Variants in TMOD2 observed in about 807,000 individuals in gnomAD.
The protein encoded by TMOD2 is tropomodulin-2.
In TMOD2, 22 loss-of-function variants were observed where a neutral mutation model predicts 39.9. The observed-to-expected ratio is 0.55, with a 90% CI of 0.39 to 0.79. TMOD2 has a LOEUF of 0.79. TMOD2 is among the 30% of genes least tolerant of loss of function. The pLI is 0.00. For synonymous variants in TMOD2, 123 were observed against 146.1 expected (o/e 0.84, Z 1.14); for missense variants, 386 against 413.3 (o/e 0.93, Z 0.57).
intron 5 of TMOD2, among the ~76,000 whole-genome samples, chr15:51,777,781 C>T (rs1459147258): frequency 6.6e-6 from 1 of 152,148 alleles, no homozygotes; most frequent in Non-Finnish European, 1.5e-5. Flanking sequence ...AGCAGCACAT[C>T]AAAAAGCTTA....
chr15:51,754,601 T>C (rs1307378106), intron 1 of TMOD2, among the ~76,000 whole-genome samples: 2 of 152,238 alleles, frequency 1.3e-5, no homozygotes, highest in African/African-American at 2.4e-5. Context: ...AGTATACATA[T>C]TTACTTGCAT....
At chr15:51,797,680 C>T (rs530639733) in intron 7 of TMOD2, among the ~76,000 whole-genome samples, 13 of 152,202 alleles carry the variant, frequency 8.5e-5, no homozygotes, top group South Asian at 2.1e-4. Context: ...TTGCCACCCT[C>T]AGTGGTGATT....
At chr15:51,774,702 C>T (rs1309842244) in intron 4 of TMOD2, among the ~76,000 whole-genome samples, 1 of 152,058 alleles carries the variant, frequency 6.6e-6, no homozygotes. Context: ...GGAGTTGAGG[C>T]GATGGCGTCA....
chr15:51,795,571 TTG>T (rs1567245533), intron 7 of TMOD2, among the ~76,000 whole-genome samples: 980 of 28,250 alleles, frequency 0.035, 64 homozygotes, highest in African/African-American at 0.093. Flanking sequence ...TTCTGCTTGC[TTG>T]CTTGCTTTCT....
chr15:51,787,205 C>A lies in TMOD2; in HGVS notation c.732+4377C>A, dbSNP rs185396012. 1.2e-3 allele frequency among the ~76,000 whole-genome samples: 182 copies of A among 152,364 alleles called. 2 individuals are homozygous for A. Among genetic ancestry groups the A allele is most frequent in the Admixed American group, 2.0e-3 (31 of 15,306 alleles). Reference sequence around the variant, plus strand: ...GTGCCTGGCTTGGCAGGTCCCACGCCCACAGAGCCTTCCTTGCTCACTGCT... The same window carrying A: ...GTGCCTGGCTTGGCAGGTCCCACGCACACAGAGCCTTCCTTGCTCACTGCT... On this transcript the variant is annotated intron_variant, in intron 7 of 9. Transcript: ENST00000249700.
rs771670575 is a variant in TMOD2 at position 51,782,798 on chromosome 15, C to T, written c.702C>T (p.Ala234=). The change falls in exon 7 of 10, where the codon GCC becomes GCT. Residue 234 remains alanine (A), a synonymous_variant. Coordinates refer to ENST00000249700, the MANE Select transcript of TMOD2 (RefSeq NM_014548.4). ...TNTHVKKFSL[A]ATRSNDPVAI... ...CTCACGTGAAGAAGTTCAGCCTGGC[C>T]GCAACTCGCAGCAATGACCCTGTGG... The T allele has an allele frequency of 2.2e-5, 35 of 1,613,984 alleles. No individual in the cohort carries two copies. The highest frequency in any genetic ancestry group is 1.8e-4 in the Admixed American group (11 of 60,006).
In TMOD2 at chr15:51,763,730, C is replaced by T. The variant is rs556924573; in HGVS notation, c.-69-2643C>T. Among the ~76,000 whole-genome samples, 14 of 152,276 alleles carry T rather than the reference C, an allele frequency of 9.2e-5. 1 individual carries two copies. The highest frequency in any genetic ancestry group is 1.4e-4 in the African/African-American group (6 of 41,534). On this transcript the variant is annotated intron_variant, in intron 1 of 9. Coordinates refer to ENST00000249700, the MANE Select transcript of TMOD2 (RefSeq NM_014548.4). ...GATTTCCTTCCAAGACCTTTACATC[C>T]ACTCTGCTAGTTTTGAAGTTGGTGC...
At chr15:51,754,058 G>T (rs1453180230) in intron 1 of TMOD2, among the ~76,000 whole-genome samples, 1 of 151,948 alleles carries the variant, frequency 6.6e-6, no homozygotes, top group East Asian at 1.9e-4. Context: ...GAGTGGGGGG[G>T]ACGGGGGGTT....
intron 7 of TMOD2, among the ~76,000 whole-genome samples, chr15:51,785,587 G>T (rs1051987141): frequency 7.2e-5 from 11 of 151,914 alleles, no homozygotes; most frequent in Admixed American, 2.6e-4. Flanking sequence ...AATAAATATA[G>T]CATGTTCTCA....
chr15:51,753,116 G>C (rs1025921804), intron 1 of TMOD2, among the ~76,000 whole-genome samples: 2 of 152,138 alleles, frequency 1.3e-5, no homozygotes, highest in African/African-American at 4.8e-5. Context: ...CGTACTGATG[G>C]ATCATTGTTT....
chr15:51,756,387 T>C (rs1428881989), intron 1 of TMOD2: 1 of 152,202 alleles, frequency 6.6e-6, no homozygotes, highest in Non-Finnish European at 1.5e-5. Context: ...GAAAGAGAAA[T>C]AGCTTTGACT....
chr15:51,776,113 T>G (rs565793663), intron 4 of TMOD2, among the ~76,000 whole-genome samples: 245 of 152,322 alleles, frequency 1.6e-3, no homozygotes, highest in African/African-American at 5.8e-3. Flanking sequence ...TTGCTAGCTC[T>G]GACCATTTGC....
chr15:51,760,331 C>A (rs887127402), intron 1 of TMOD2, among the ~76,000 whole-genome samples: 9 of 152,202 alleles, frequency 5.9e-5, no homozygotes, highest in African/African-American at 1.9e-4. Context: ...GAATCCATGT[C>A]CTTGCCCTTC....
intron 8 of TMOD2, among the ~76,000 whole-genome samples, chr15:51,801,988 T>A (rs1482840976): frequency 6.6e-6 from 1 of 150,876 alleles, no homozygotes; most frequent in Admixed American, 6.6e-5. Flanking sequence ...CACTACATAC[T>A]TAGATAATTT....
chr15:51,800,349 A>C (rs1353789321), intron 8 of TMOD2, among the ~76,000 whole-genome samples: 1 of 152,228 alleles, frequency 6.6e-6, no homozygotes, highest in Non-Finnish European at 1.5e-5. Flanking sequence ...AGCCTGGCCA[A>C]CATGATGAAA....
At chr15:51,796,337 G>A (rs1344941280) in intron 7 of TMOD2, among the ~76,000 whole-genome samples, 1 of 152,156 alleles carries the variant, frequency 6.6e-6, no homozygotes, top group African/African-American at 2.4e-5. Context: ...GTAGAAGCCT[G>A]ACAAATAGTC....
intron 7 of TMOD2, among the ~76,000 whole-genome samples, chr15:51,794,210 G>A (rs2056032203): frequency 6.6e-6 from 1 of 152,188 alleles, no homozygotes; most frequent in Non-Finnish European, 1.5e-5. Flanking sequence ...ACACAGGACA[G>A]CCTCCCACAA....
At chr15:51,777,101 C>A (rs2055894983) in intron 5 of TMOD2, 83 bp downstream of exon 5, 1 of 1,126,696 alleles carries the variant, frequency 8.9e-7, no homozygotes, top group Non-Finnish European at 1.3e-6. Flanking sequence ...TTGAGTCTTG[C>A]AGGCTTTACA....
chr15:51,804,565 G>C (rs984008468), intron 8 of TMOD2, among the ~76,000 whole-genome samples: 1 of 150,536 alleles, frequency 6.6e-6, no homozygotes, highest in Non-Finnish European at 1.5e-5. Flanking sequence ...GTTTTGTTTT[G>C]TTTTGTTTTG....
Sources: allele counts gnomAD v4.1 joint callset (sites outside exome capture counted in the v4.1 genomes callset), GRCh38; gene constraint gnomAD v4.1.1; transcripts MANE v1.5; gene names NCBI Gene and HGNC (gene_info 2026-07-23, HGNC 2026-07-21).